Variants in CYRIA observed in about 807,000 individuals in gnomAD.
The protein encoded by CYRIA is CYFIP-related Rac1 interactor A.
Under a neutral mutation model 43.9 loss-of-function variants are expected in CYRIA, and 15 were observed. The observed-to-expected ratio is 0.34, with a 90% CI of 0.23 to 0.53. The LOEUF is 0.53. Ranked by LOEUF, CYRIA falls within the 20% of genes least tolerant of loss-of-function variation. The pLI, the probability that CYRIA is intolerant of heterozygous loss-of-function variation, is 0.94. For synonymous variants in CYRIA, 117 were observed against 136.0 expected (o/e 0.86, Z 0.97); for missense variants, 236 against 394.2 (o/e 0.60, Z 3.40).
At chr2:16,659,410 C>T (rs1432772467) in intron 1 of CYRIA, among the ~76,000 whole-genome samples, 5 of 152,246 alleles carry the variant, frequency 3.3e-5, no homozygotes, top group East Asian at 3.8e-4. Context: ...CTGTTTCAAA[C>T]GTTCTTCAGA....
intron 2 of CYRIA, among the ~76,000 whole-genome samples, chr2:16,615,094 T>C (rs908745466): frequency 1.3e-5 from 2 of 152,230 alleles, no homozygotes; most frequent in East Asian, 3.8e-4. Context: ...TTGTTTTTTC[T>C]TTGAGTTTTC....
chr2:16,635,830 A>G (rs1018915620), intron 1 of CYRIA, among the ~76,000 whole-genome samples: 4 of 152,220 alleles, frequency 2.6e-5, no homozygotes, highest in African/African-American at 9.6e-5. Context: ...GCAATTGTCA[A>G]AAACACACAG....
intron 9 of CYRIA, among the ~76,000 whole-genome samples, chr2:16,560,145 T>C (rs145753256): frequency 6.6e-6 from 1 of 152,310 alleles, no homozygotes; most frequent in East Asian, 1.9e-4. Flanking sequence ...ATGATTCAGA[T>C]AATTCAGGCC....
intron 11 of CYRIA, 25 bp from the exon 12 acceptor site, chr2:16,553,024 G>A (rs1193546037): frequency 1.3e-6 from 2 of 1,482,080 alleles, no homozygotes; most frequent in African/African-American, 1.4e-5. Flanking sequence ...AATGGTAGAG[G>A]TTAGCGGCAA....
At chr2:16,660,094 CTT>C (rs1383367453) in intron 1 of CYRIA, among the ~76,000 whole-genome samples, 1 of 152,192 alleles carries the variant, frequency 6.6e-6, no homozygotes, top group Non-Finnish European at 1.5e-5. Flanking sequence ...CCAGCTCTCT[CTT>C]GGCAACCCTG....
intron 5 of CYRIA, among the ~76,000 whole-genome samples, chr2:16,562,694 T>C (rs1453484978): frequency 6.6e-6 from 1 of 152,168 alleles, no homozygotes; most frequent in Non-Finnish European, 1.5e-5. Flanking sequence ...AACAGTCCCT[T>C]ATAGCTTGTT....
intron 1 of CYRIA, among the ~76,000 whole-genome samples, chr2:16,660,707 G>C (rs1259510190): frequency 6.6e-6 from 1 of 152,172 alleles, no homozygotes; most frequent in African/African-American, 2.4e-5. Context: ...CATTTCCCCA[G>C]TTTCATTTAA....
rs539423854 is a variant in CYRIA, at chr2:16,650,594, A to C, written c.-167+15186T>G. On this transcript the variant is annotated intron_variant, in intron 1 of 11. Coordinates refer to ENST00000381323, the MANE Select transcript of CYRIA (RefSeq NM_030797.4). This position sits in a 1 kb window ranked among gnomAD's most constrained non-coding sequence, Gnocchi z 4.1. ...AGCTCTCACACTCAGAGGCTCCACA[A>C]AGCAACCCTAAACATCTCAGAGAGA... Among the ~76,000 whole-genome samples, 12 of 152,338 alleles carry C rather than the reference A, an allele frequency of 7.9e-5. No individual in the cohort carries two copies. The South Asian group carries it at 2.5e-3, about 32-fold the overall frequency.
At chr2:16,661,774 G>A (rs550695347) in intron 1 of CYRIA, among the ~76,000 whole-genome samples, 1 of 152,270 alleles carries the variant, frequency 6.6e-6, no homozygotes, top group East Asian at 1.9e-4. Context: ...ACGGCACAAA[G>A]AGCAAGCAGA....
rs1424510558 is a variant in CYRIA, at chr2:16,650,446, T to C, written c.-167+15334A>G. ...GATCGATTAAAACACTAGCAAATCA[T>C]AAAGGTTTCATTGGTCTCTGGGCCA... On this transcript the variant is annotated intron_variant, in intron 1 of 11. Coordinates refer to ENST00000381323, the MANE Select transcript of CYRIA (RefSeq NM_030797.4). This position sits in a 1 kb window ranked among gnomAD's most constrained non-coding sequence, Gnocchi z 4.1. Among the ~76,000 whole-genome samples the C allele has an allele frequency of 2.6e-5, 4 of 152,196 alleles. No homozygotes were observed. Among genetic ancestry groups the C allele is most frequent in the Non-Finnish European group, 5.9e-5 (4 of 68,040 alleles).
intron 1 of CYRIA, among the ~76,000 whole-genome samples, chr2:16,634,431 A>G (rs1056590575): frequency 2.6e-5 from 4 of 152,250 alleles, no homozygotes; most frequent in East Asian, 1.9e-4. Flanking sequence ...TCCCTGCCCA[A>G]GAGACCATTC....
chr2:16,562,227 T>A, intron 5 of CYRIA, 86 bp from the exon 6 acceptor site: 1 of 1,405,454 alleles, frequency 7.1e-7, no homozygotes, highest in South Asian at 1.3e-5. Context: ...CAGTTGACAA[T>A]CTCGGAGATC....
intron 3 of CYRIA, among the ~76,000 whole-genome samples, chr2:16,587,459 A>T (rs1667770772): frequency 6.6e-6 from 1 of 152,160 alleles, no homozygotes; most frequent in Non-Finnish European, 1.5e-5. Context: ...AAAGTTGATC[A>T]CTTCTAAAAT....
intron 1 of CYRIA, among the ~76,000 whole-genome samples, chr2:16,649,217 T>TCATTTTATATACTATA (rs1669900419): frequency 6.6e-6 from 1 of 152,242 alleles, no homozygotes; most frequent in Non-Finnish European, 1.5e-5. Context: ...ACATAGGTTA[T>TCATTTTATATACTATA]ATGCAAATAC....
chr2:16,604,459 A>C (rs1000242777), intron 2 of CYRIA, among the ~76,000 whole-genome samples: 1 of 152,218 alleles, frequency 6.6e-6, no homozygotes, highest in Non-Finnish European at 1.5e-5. Context: ...CCCAGCCCTG[A>C]CATGTCTAGT....
intron 3 of CYRIA, among the ~76,000 whole-genome samples, chr2:16,582,252 ATTCTGTGATGACGGAATAATGTCAG>A (rs1340017952): frequency 6.6e-6 from 1 of 152,218 alleles, no homozygotes; most frequent in East Asian, 1.9e-4. Flanking sequence ...GAAATAATAT[ATTCTGTGATGACGGAATAATGTCAG>A]CATTAGGCAG....
chr2:16,639,450 T>C (rs1294323528), intron 1 of CYRIA, among the ~76,000 whole-genome samples: 2 of 152,246 alleles, frequency 1.3e-5, no homozygotes, highest in African/African-American at 4.8e-5. Flanking sequence ...AGTTTCCCTC[T>C]TTCAATCTGC....
chr2:16,605,279 G>C (rs1668358229), intron 2 of CYRIA, among the ~76,000 whole-genome samples: 1 of 152,172 alleles, frequency 6.6e-6, no homozygotes, highest in African/African-American at 2.4e-5. Context: ...GCAGCAAAAA[G>C]TACCCAAGAA....
chr2:16,592,959 C>G (rs1178046691), intron 2 of CYRIA, among the ~76,000 whole-genome samples: 4 of 152,160 alleles, frequency 2.6e-5, no homozygotes, highest in African/African-American at 7.2e-5. Flanking sequence ...AAAGCACCAT[C>G]TAACTGCCTG....
Sources: gnomAD v4.1 joint callset for allele counts (sites outside exome capture counted in the v4.1 genomes callset) on GRCh38, gnomAD v4.1.1 for gene constraint, Gnocchi (gnomAD v3.1) non-coding constraint, MANE v1.5 for transcripts, NCBI Gene and HGNC (gene_info 2026-07-23, HGNC 2026-07-21) for gene names.